Variants in STAT4 observed in about 807,000 individuals in gnomAD.
The protein encoded by STAT4 is signal transducer and activator of transcription 4.
STAT4 carries 42 observed loss-of-function variants against 110.5 expected under a neutral mutation model. The ratio of observed to expected loss-of-function variants is 0.38; its 90% confidence interval spans 0.30 to 0.49. The LOEUF is 0.49. Among genes scored for constraint, STAT4 ranks in the 20% least tolerant of loss-of-function variants. The pLI is 0.95. For missense variants in STAT4, 632 were observed against 887.9 expected (o/e 0.71, Z 3.66); for synonymous variants, 284 against 302.2 (o/e 0.94, Z 0.63).
At chr2:191,063,069 A>G in intron 8 of STAT4, 149 bp from the exon 9 acceptor site, 9 of 711,690 alleles carry the variant, frequency 1.3e-5, no homozygotes, top group Non-Finnish European at 1.6e-5. Context: ...TAGGTTAGAG[A>G]CAGTTTTTAT....
intron 5 of STAT4, among the ~76,000 whole-genome samples, chr2:191,072,852 C>T (rs955550353): frequency 6.6e-6 from 1 of 152,096 alleles, no homozygotes; most frequent in Non-Finnish European, 1.5e-5. Context: ...ACACAAATTA[C>T]CAAAGCTCAT....
chr2:191,122,730 A>T (rs1698772236), intron 3 of STAT4, among the ~76,000 whole-genome samples: 1 of 152,262 alleles, frequency 6.6e-6, no homozygotes. Flanking sequence ...TAAATCTCAT[A>T]ACACAGAGTG....
rs749662656 is a variant in STAT4 at position 191,053,499 on chromosome 2, G to A, written c.1251+991C>T. 8.5e-5 allele frequency among the ~76,000 whole-genome samples: 13 copies of A among 152,116 alleles called. No individual in the cohort carries two copies. Among genetic ancestry groups the A allele is most frequent in the Non-Finnish European group, 1.8e-4 (12 of 68,028 alleles). The stretch of plus-strand genomic sequence containing the variant: ...GTCAGCTCAATAGATGTTCTCCAAG[G>A]TCATGTCCAGTTCATGATTTGACTA... On this transcript the variant is annotated intron_variant, in intron 14 of 23. Coordinates refer to ENST00000392320, the MANE Select transcript of STAT4 (RefSeq NM_003151.4). The surrounding 1 kb of genome is among the most constrained non-coding windows in gnomAD (Gnocchi z 4.5).
chr2:191,052,979 G>C (rs368786892), intron 14 of STAT4, among the ~76,000 whole-genome samples: 19 of 152,288 alleles, frequency 1.2e-4, no homozygotes, highest in African/African-American at 4.1e-4. Context: ...CTGGAAGACT[G>C]AGCTCATCTT....
chr2:191,094,873 T>A, intron 3 of STAT4, among the ~76,000 whole-genome samples: 1 of 105,952 alleles, frequency 9.4e-6, no homozygotes, highest in Non-Finnish European at 1.8e-5. Context: ...ACATACAGGC[T>A]CAAAATAAAG....
At position 191,031,553 on chromosome 2, in the gene STAT4, T is replaced by A. The variant is rs376316085; in HGVS notation, c.2045-37A>T. 4.5e-5 allele frequency: 70 copies of A among 1,565,054 alleles called. 1 individual carries two copies. The African/African-American group carries it at 7.6e-4, about 17-fold the overall frequency. On this transcript the variant is annotated intron_variant, in intron 21 of 23. Coordinates refer to ENST00000392320, the MANE Select transcript of STAT4 (RefSeq NM_003151.4). This position sits in a 1 kb window ranked among gnomAD's most constrained non-coding sequence, Gnocchi z 4.8. ...AAAGGCACAATGTTGGGGAAAAAAA[T>A]GTCAATATTATCAATAAAACTGGGG... is the stretch of plus-strand genomic sequence containing the variant.
rs909177745 is a variant in STAT4 at position 191,143,871 on chromosome 2, A to AAC, written c.273+2740_273+2741dup. On this transcript the variant is annotated intron_variant, in intron 3 of 23. Coordinates refer to ENST00000392320, the MANE Select transcript of STAT4 (RefSeq NM_003151.4). This position sits in a 1 kb window ranked among gnomAD's most constrained non-coding sequence, Gnocchi z 5.6. ...CATCATACCACCCTTCCCCGCAAAA[A>AAC]ACACACACAACTTAATGGGATTATA... is the stretch of plus-strand genomic sequence containing the variant. Among the ~76,000 whole-genome samples the AAC allele has an allele frequency of 6.6e-6, 1 of 152,134 alleles. No individual in the cohort carries two copies. The highest frequency in any genetic ancestry group is 1.9e-4 in the East Asian group (1 of 5,204).
chr2:191,145,071 A>AGATAAATGT (rs1365330192), intron 3 of STAT4, among the ~76,000 whole-genome samples: 3 of 152,210 alleles, frequency 2.0e-5, no homozygotes, highest in Admixed American at 6.5e-5. Context: ...ATAAAAGGCC[A>AGATAAATGT]GATAAATGTG....
At chr2:191,133,465 G>C (rs1436945601) in intron 3 of STAT4, among the ~76,000 whole-genome samples, 1 of 151,272 alleles carries the variant, frequency 6.6e-6, no homozygotes, top group Admixed American at 6.6e-5. Flanking sequence ...TGTGTGTGTG[G>C]GTGGGTGGGG....
chr2:191,130,877 G>T (rs530149351), intron 3 of STAT4, among the ~76,000 whole-genome samples: 6 of 151,576 alleles, frequency 4.0e-5, no homozygotes, highest in Admixed American at 2.0e-4. Context: ...ACTTAGATAT[G>T]AACAATGAGA....
intron 3 of STAT4, among the ~76,000 whole-genome samples, chr2:191,133,886 G>T (rs1337193640): frequency 6.8e-6 from 1 of 148,030 alleles, no homozygotes; most frequent in Non-Finnish European, 1.5e-5. Flanking sequence ...AACAAACTAG[G>T]GTACATCTGT....
At position 191,035,005 on chromosome 2, in the gene STAT4, A is replaced by G. The variant is rs1183050231; in HGVS notation, c.1571-408T>C. ...TCGGTAAATGAACATTATAAAACAAATTTGTGTAAGTTAGGTATAGCTAGA... is the reference window on the plus strand; with the variant it reads ...TCGGTAAATGAACATTATAAAACAAGTTTGTGTAAGTTAGGTATAGCTAGA... On this transcript the variant is annotated intron_variant, in intron 17 of 23. Coordinates refer to ENST00000392320, the MANE Select transcript of STAT4 (RefSeq NM_003151.4). The surrounding 1 kb of genome is among the most constrained non-coding windows in gnomAD (Gnocchi z 4.7). Among the ~76,000 whole-genome samples the G allele has an allele frequency of 6.6e-6, 1 of 152,224 alleles. No homozygotes were observed. Among genetic ancestry groups the G allele is most frequent in the African/African-American group, 2.4e-5 (1 of 41,452 alleles).
At position 191,117,053 on chromosome 2, in the gene STAT4, A is replaced by C. The variant is rs547661619; in HGVS notation, c.273+29560T>G. On this transcript the variant is annotated intron_variant, in intron 3 of 23. Coordinates refer to ENST00000392320, the MANE Select transcript of STAT4 (RefSeq NM_003151.4). The surrounding 1 kb of genome is among the most constrained non-coding windows in gnomAD (Gnocchi z 5.2). ...ACAATCACCTGGGGAGCTTTACAAA[A>C]TCCAATAGGAACAGAATCTCTGGAG... 6.6e-5 allele frequency among the ~76,000 whole-genome samples: 10 copies of C among 152,276 alleles called. No homozygotes were observed. In the South Asian group the frequency reaches 2.1e-3, roughly 32 times the overall value.
At chr2:191,115,700 A>G (rs1346104919) in intron 3 of STAT4, among the ~76,000 whole-genome samples, 3 of 152,206 alleles carry the variant, frequency 2.0e-5, no homozygotes, top group Admixed American at 1.3e-4. Context: ...GTTTCCAATG[A>G]GAATCTTAGG....
rs546764660 is a variant in STAT4, at chr2:191,090,231, A to T, written c.274-13906T>A. Among the ~76,000 whole-genome samples, 4 of 152,240 alleles carry T rather than the reference A, an allele frequency of 2.6e-5. No homozygotes were observed. The East Asian group carries it at 5.8e-4, about 22-fold the overall frequency. ...TGTAAACCAAAGATTGCTCTAAAAA[A>T]CAAATCCTTTTTATTTTCTGAAATT... is the stretch of plus-strand genomic sequence containing the variant. On this transcript the variant is annotated intron_variant, in intron 3 of 23. Coordinates refer to ENST00000392320, the MANE Select transcript of STAT4 (RefSeq NM_003151.4). The surrounding 1 kb of genome is among the most constrained non-coding windows in gnomAD (Gnocchi z 4.2).
intron 5 of STAT4, among the ~76,000 whole-genome samples, chr2:191,071,920 AC>A (rs1179871611): frequency 6.6e-6 from 1 of 152,070 alleles, no homozygotes; most frequent in Non-Finnish European, 1.5e-5. Context: ...GGTTTGAGAA[AC>A]CCAGGAGCAT....
In STAT4 at chr2:191,058,787, TA is replaced by T. The variant is rs761575552; in HGVS notation, c.1035-19del. Reference sequence around the variant, plus strand: ...TTAGTAGCCTGGAAAGAGATATCAATAAAAAAAATCAAAGATAAAAATTAAA... The same window carrying T: ...TTAGTAGCCTGGAAAGAGATATCAATAAAAAAATCAAAGATAAAAATTAAA... On this transcript the variant is annotated intron_variant, in intron 10 of 23. Transcript: ENST00000392320. This position sits in a 1 kb window ranked among gnomAD's most constrained non-coding sequence, Gnocchi z 4.3. 2.1e-5 allele frequency: 32 copies of T among 1,490,408 alleles called. No homozygotes were observed. The highest frequency in any genetic ancestry group is 1.1e-4 in the Admixed American group (6 of 54,332). 92.3% of individuals were successfully genotyped at this position (1,490,408 alleles called of 1,614,324 possible).
intron 14 of STAT4, among the ~76,000 whole-genome samples, chr2:191,044,602 G>A (rs535591225): frequency 3.0e-4 from 46 of 152,204 alleles, no homozygotes; most frequent in South Asian, 1.9e-3. Flanking sequence ...AAGGGGGTGG[G>A]ACTCCCTAGG....
chr2:191,071,898 A>C, intron 5 of STAT4, among the ~76,000 whole-genome samples: 1 of 152,180 alleles, frequency 6.6e-6, no homozygotes, highest in East Asian at 1.9e-4. Flanking sequence ...GTCTTCACTT[A>C]GGTCTAACTT....
Sources: allele counts gnomAD v4.1 joint callset (sites outside exome capture counted in the v4.1 genomes callset), GRCh38; gene constraint gnomAD v4.1.1; non-coding constraint Gnocchi (gnomAD v3.1); transcripts MANE v1.5; gene names NCBI Gene and HGNC (gene_info 2026-07-23, HGNC 2026-07-21).